RHBDD1: variants seen among roughly 807,000 people sequenced by gnomAD.
RHBDD1 encodes rhomboid domain containing 1.
Under a neutral mutation model 36.3 loss-of-function variants are expected in RHBDD1, and 38 were observed. The ratio of observed to expected loss-of-function variants is 1.05; its 90% confidence interval spans 0.81 to 1.37. The LOEUF is 1.37. Among genes scored for constraint, RHBDD1 ranks in the 40% most tolerant of loss-of-function variants. RHBDD1 has a pLI of 0.00. For missense variants in RHBDD1, 393 were observed against 377.6 expected, an observed-to-expected ratio of 1.04 and a Z score of -0.34; for synonymous variants, 151 against 136.5, an observed-to-expected ratio of 1.11 and a Z score of -0.74.
At chr2:226,957,173 C>A (rs1330639575) in intron 8 of RHBDD1, among the ~76,000 whole-genome samples, 1 of 152,098 alleles carries the variant, frequency 6.6e-6, no homozygotes, top group Non-Finnish European at 1.5e-5. Context: ...ACCAAAGGGC[C>A]CGATGTGAAG....
chr2:226,825,496 A>G, the RHBDD1 span, among the ~76,000 whole-genome samples: 1 of 152,358 alleles, frequency 6.6e-6, no homozygotes, highest in African/African-American at 2.4e-5. Flanking sequence ...AGAAAGATCT[A>G]TCTAAAACAC....
At chr2:226,993,431 TTTTTAAAAACAACTG>T (rs1958711112) in intron 8 of RHBDD1, among the ~76,000 whole-genome samples, 1 of 152,228 alleles carries the variant, frequency 6.6e-6, no homozygotes, top group Non-Finnish European at 1.5e-5. Flanking sequence ...AAGACCAGTC[TTTTTAAAAACAACTG>T]TTAAAGGCAA....
chr2:226,905,532 C>A (rs1947981398), intron 5 of RHBDD1, among the ~76,000 whole-genome samples: 1 of 152,196 alleles, frequency 6.6e-6, no homozygotes, highest in South Asian at 2.1e-4. Context: ...AGGGCTTAAA[C>A]ACACACCGGA....
chr2:226,966,084 A>G (rs759109097), intron 8 of RHBDD1, among the ~76,000 whole-genome samples: 24 of 152,222 alleles, frequency 1.6e-4, no homozygotes, highest in Non-Finnish European at 3.1e-4. Context: ...ACGCAAATCA[A>G]TAAATGTGAC....
At chr2:226,835,345 C>T (rs979170556), upstream of RHBDD1, among the ~76,000 whole-genome samples, 7 of 152,196 alleles carry the variant, frequency 4.6e-5, no homozygotes, top group Admixed American at 1.3e-4. Flanking sequence ...ATGTATTAAT[C>T]GAAATTCTAT....
chr2:226,815,798 G>A, the RHBDD1 span, among the ~76,000 whole-genome samples: 245 of 152,272 alleles, frequency 1.6e-3, 2 homozygotes, highest in African/African-American at 5.2e-3. Flanking sequence ...CTCAACAAAT[G>A]GAAGATGGAA....
chr2:226,824,804 T>A, the RHBDD1 span, among the ~76,000 whole-genome samples: 3 of 152,220 alleles, frequency 2.0e-5, no homozygotes, highest in African/African-American at 7.2e-5. Flanking sequence ...ATACATGGTA[T>A]GTCTAATTGT....
intron 5 of RHBDD1, among the ~76,000 whole-genome samples, chr2:226,900,950 C>T (rs978529721): frequency 2.6e-5 from 4 of 152,158 alleles, no homozygotes; most frequent in Non-Finnish European, 5.9e-5. Context: ...TAACTCTACT[C>T]ACCATGCTGT....
In RHBDD1 at chr2:226,903,932, G is replaced by A. The variant is rs538587066; in HGVS notation, c.567-2861G>A. Among the ~76,000 whole-genome samples, 4 of 152,204 alleles carry A rather than the reference G, an allele frequency of 2.6e-5. No homozygotes were observed. The South Asian group carries it at 6.2e-4, about 24-fold the overall frequency. On this transcript the variant is annotated intron_variant, in intron 5 of 8. Transcript: ENST00000392062. ...AGAGGGAGTTTACCTGGACATGATC[G>A]GAGAGGAGATATGTCACTGGACAGC...
the RHBDD1 span, among the ~76,000 whole-genome samples, chr2:226,828,920 T>G: frequency 7.2e-5 from 11 of 152,186 alleles, no homozygotes; most frequent in Admixed American, 7.2e-4. Context: ...TATCAATTTT[T>G]TCTTTTGTGG....
intron 5 of RHBDD1, among the ~76,000 whole-genome samples, chr2:226,892,888 C>A (rs796212422): frequency 6.6e-6 from 1 of 152,048 alleles, no homozygotes; most frequent in Non-Finnish European, 1.5e-5. Flanking sequence ...AGCAACGTTG[C>A]GTAATTTCTG....
intron 5 of RHBDD1, among the ~76,000 whole-genome samples, chr2:226,878,876 T>G (rs1945459642): frequency 6.6e-6 from 1 of 152,056 alleles, no homozygotes. Flanking sequence ...AGGACAGTGT[T>G]GAGTCGGGGA....
chr2:226,996,688 C>T lies in RHBDD1; in HGVS notation c.*1166C>T, dbSNP rs1404606317. The stretch of plus-strand genomic sequence containing the variant: ...GCAAACATCTGGAAAGAAATATACC[C>T]AAATCTTAGCAGGGGTTATCTTTGG... On this transcript the variant is annotated 3_prime_UTR_variant, in exon 9 of 9. Transcript: ENST00000392062. 1 of 152,168 alleles carries T rather than the reference C, an allele frequency of 6.6e-6. No homozygotes were observed. The highest frequency in any genetic ancestry group is 1.5e-5 in the Non-Finnish European group (1 of 68,024). The allele number at this position is 152,168 out of a possible 1,614,324, so 9.4% of individuals were successfully genotyped here.
At chr2:226,915,454 T>C (rs1171523248) in intron 8 of RHBDD1, among the ~76,000 whole-genome samples, 1 of 152,058 alleles carries the variant, frequency 6.6e-6, no homozygotes, top group Non-Finnish European at 1.5e-5. Flanking sequence ...AAAGTGGATT[T>C]AGTGTGTGGT....
At chr2:226,805,138 A>G in the RHBDD1 span, 3 of 152,168 alleles carry the variant, frequency 2.0e-5, no homozygotes, top group African/African-American at 4.8e-5. Flanking sequence ...TCAATTTGTT[A>G]TCTTAGACAA....
Position 226,865,146 on chromosome 2 carries a change from G to C in RHBDD1, c.433+20G>C, listed in dbSNP as rs1299026174. 2 of 1,570,802 alleles carry C rather than the reference G, an allele frequency of 1.3e-6. No homozygotes were observed. Among genetic ancestry groups the C allele is most frequent in the Admixed American group, 1.8e-5 (1 of 54,986 alleles). On this transcript the variant is annotated intron_variant, in intron 4 of 8. Transcript: ENST00000392062. ...TCTCAGGTAAGGGAGACAAAATTTT[G>C]AGGTTGCATGCATAAAGGAAGCAAG... is the stretch of plus-strand genomic sequence containing the variant.
intron 7 of RHBDD1, among the ~76,000 whole-genome samples, chr2:226,911,984 T>A (rs554084873): frequency 6.6e-6 from 1 of 152,296 alleles, no homozygotes; most frequent in African/African-American, 2.4e-5. Flanking sequence ...TTCCTTTTTC[T>A]TTTACTTTCA....
chr2:226,902,847 A>G (rs1439691211), intron 5 of RHBDD1, among the ~76,000 whole-genome samples: 2 of 152,186 alleles, frequency 1.3e-5, no homozygotes, highest in Admixed American at 6.5e-5. Context: ...TTATAACTCA[A>G]ACTTCTGAAA....
At chr2:226,948,131 G>A (rs1180891119) in intron 8 of RHBDD1, among the ~76,000 whole-genome samples, 3 of 150,750 alleles carry the variant, frequency 2.0e-5, no homozygotes, top group African/African-American at 4.9e-5. Context: ...TGTTTATTGC[G>A]GCATTATTCT....
Sources: allele counts gnomAD v4.1 joint callset (sites outside exome capture counted in the v4.1 genomes callset), GRCh38; gene constraint gnomAD v4.1.1; transcripts MANE v1.5; gene names NCBI Gene and HGNC (gene_info 2026-07-23, HGNC 2026-07-21).